Variants in SHLD2 observed in about 807,000 individuals in gnomAD.
The protein encoded by SHLD2 is RINN1-REV7-interacting novel NHEJ regulator 2.
SHLD2 carries 30 observed loss-of-function variants against 73.2 expected under a neutral mutation model. That is an observed-to-expected ratio of 0.41 (90% CI 0.31 to 0.56). The LOEUF (loss-of-function observed/expected upper bound fraction) is 0.56, where lower values mean the gene tolerates loss of function less well. SHLD2 is among the 20% of genes least tolerant of loss of function. The pLI, the probability that SHLD2 is intolerant of heterozygous loss-of-function variation, is 0.28. For synonymous variants in SHLD2, 285 were observed against 370.1 expected (o/e 0.77, Z 2.64); for missense variants, 745 against 1,055.9 (o/e 0.71, Z 4.08).
intron 2 of SHLD2, among the ~76,000 whole-genome samples, chr10:87,103,203 C>T (rs1006981708): frequency 4.0e-5 from 6 of 151,248 alleles, no homozygotes; most frequent in African/African-American, 1.2e-4. Flanking sequence ...AGTGAGATTC[C>T]GTCTCAAAAA....
chr10:87,168,864 A>G (rs1345264269), intron 4 of SHLD2, among the ~76,000 whole-genome samples: 1 of 151,686 alleles, frequency 6.6e-6, no homozygotes, highest in East Asian at 1.9e-4. Context: ...AAAGTTCAGT[A>G]TCACGCAGTA....
rs554195035 is a variant in SHLD2, at chr10:87,179,893, G to C, written c.2171-182G>C. Among the ~76,000 whole-genome samples the C allele has an allele frequency of 2.1e-3, 316 of 152,336 alleles. 1 individual carries two copies. Among genetic ancestry groups the C allele is most frequent in the African/African-American group, 7.3e-3 (302 of 41,586 alleles). On this transcript the variant is annotated intron_variant, in intron 7 of 9. Coordinates refer to ENST00000298786, the MANE Select transcript of SHLD2 (RefSeq NM_001330112.2). ...AATTAGCCAAGTAAACCTGCTCTCAGTTGCAGCCAGACATCCCTGCCCTTA... is the reference window on the plus strand; with the variant it reads ...AATTAGCCAAGTAAACCTGCTCTCACTTGCAGCCAGACATCCCTGCCCTTA...
At chr10:87,128,854 GTTGT>G (rs1341604556) in intron 2 of SHLD2, among the ~76,000 whole-genome samples, 4 of 152,088 alleles carry the variant, frequency 2.6e-5, no homozygotes, top group African/African-American at 7.2e-5. Context: ...TTTTTTTGTT[GTTGT>G]TTTTGTTTTT....
In SHLD2 at chr10:87,187,132, G is replaced by A. The variant is rs11816168; in HGVS notation, c.2447G>A (p.Arg816His). Residue 816 changes from arginine (R) to histidine (H), a missense_variant, in exon 9 of 10, where the codon CGT becomes CAT. By Grantham distance (29) the Arg-to-His change is conservative. Around this residue, in one of 5 missense-constraint regions of SHLD2, gnomAD observed 418 missense variants for 567.8 expected, o/e 0.74. Transcript: ENST00000298786. ...AIDGRHDVCI[R>H]VESKLIEKIL... ...GATGGAAGACATGATGTTTGTATCC[G>A]TGTAGAATCAAAGCTGATAGAGAAG... The A allele has an allele frequency of 0.014, 22,568 of 1,613,254 alleles. 190 individuals carry two copies. The highest frequency in any genetic ancestry group is 0.017 in the Non-Finnish European group (19,743 of 1,179,300).
chr10:87,176,198 T>A, intron 7 of SHLD2, 103 bp downstream of exon 7: 1 of 1,404,796 alleles, frequency 7.1e-7, no homozygotes, highest in Non-Finnish European at 9.8e-7. Context: ...CACAGCTCAC[T>A]GCAGTCTCCA....
chr10:87,122,074 A>AT (rs1360668605), intron 2 of SHLD2, among the ~76,000 whole-genome samples: 1 of 140,552 alleles, frequency 7.1e-6, no homozygotes, highest in Admixed American at 7.8e-5. Context: ...CAAAAGTGGT[A>AT]TTTTCTATTG....
At chr10:87,149,759 C>T (rs1222010245) in intron 2 of SHLD2, among the ~76,000 whole-genome samples, 1 of 151,308 alleles carries the variant, frequency 6.6e-6, no homozygotes, top group Non-Finnish European at 1.5e-5. Context: ...TAAAAGGTCT[C>T]ACTTTGTTAC....
chr10:87,158,366 A>C (rs1025773345), intron 4 of SHLD2, among the ~76,000 whole-genome samples: 1 of 152,172 alleles, frequency 6.6e-6, no homozygotes, highest in Non-Finnish European at 1.5e-5. Flanking sequence ...ATTGGGTCTC[A>C]TGTTTCGTTT....
rs551799235 is a variant in SHLD2, at chr10:87,164,537, G to A, written c.1634-5941G>A. Among the ~76,000 whole-genome samples the A allele has an allele frequency of 3.8e-4, 58 of 152,218 alleles. 1 individual carries two copies. Among genetic ancestry groups the A allele is most frequent in the Non-Finnish European group, 1.6e-4 (11 of 68,012 alleles). ...CAAAATGCTGGGATTACAGGTGTGA[G>A]CCATTGTGCCTGGCCAACATAGTTC... On this transcript the variant is annotated intron_variant, in intron 4 of 9. Transcript: ENST00000298786.
chr10:87,152,012 G>C lies in SHLD2; in HGVS notation c.658G>C (p.Asp220His). 1 of 1,611,920 alleles carries C rather than the reference G, an allele frequency of 6.2e-7. No homozygotes were observed. The highest frequency in any genetic ancestry group is 1.1e-5 in the South Asian group (1 of 90,980). ...CLGLFSSNAV[D>H]KSRSEAAVRK... is the part of the protein sequence containing the mutation. ...GGGATTATTTTCCTCGAACGCAGTA[G>C]ATAAGTCAAGGTCTGAAGCAGCAGT... Residue 220 changes from aspartate to histidine, a missense_variant, in exon 3 of 10, where the codon GAT (aspartate) becomes CAT (histidine). By Grantham distance (81) the Asp-to-His change is moderately conservative. Transcript: ENST00000298786.
intron 4 of SHLD2, among the ~76,000 whole-genome samples, chr10:87,165,145 C>T (rs1847108667): frequency 6.6e-6 from 1 of 151,656 alleles, no homozygotes; most frequent in African/African-American, 2.4e-5. Context: ...TGTGATCATG[C>T]CACTGCACTT....
In SHLD2 at chr10:87,175,413, C is replaced by T. The variant is rs1488635084; in HGVS notation, c.1964-476C>T. On this transcript the variant is annotated intron_variant, in intron 6 of 9. Transcript: ENST00000298786. ...TAAAATTATCTCTGGTGGCCCGGCA[C>T]GGAGGCTTATGCCTGTAATCCCAGC... Among the ~76,000 whole-genome samples, 11 of 150,962 alleles carry T rather than the reference C, an allele frequency of 7.3e-5. No homozygotes were observed. In the South Asian group the frequency reaches 1.3e-3, roughly 17 times the overall value.
intron 7 of SHLD2, among the ~76,000 whole-genome samples, chr10:87,179,271 G>A (rs566496388): frequency 2.6e-5 from 4 of 152,180 alleles, no homozygotes; most frequent in Non-Finnish European, 5.9e-5. Flanking sequence ...ATTAATAAAT[G>A]AGAACTTTTT....
intron 2 of SHLD2, among the ~76,000 whole-genome samples, chr10:87,127,540 C>CG (rs1491255724): frequency 0.013 from 833 of 66,460 alleles, 15 homozygotes; most frequent in Non-Finnish European, 0.016. Flanking sequence ...CCCCCCCCCA[C>CG]CCCGTCTGCC....
At chr10:87,141,859 C>T (rs546333413) in intron 2 of SHLD2, among the ~76,000 whole-genome samples, 69 of 152,058 alleles carry the variant, frequency 4.5e-4, no homozygotes, top group African/African-American at 1.3e-3. Context: ...GGCGAAACCC[C>T]GTCTCTACTA....
At chr10:87,153,678 C>T (rs1196795809) in intron 3 of SHLD2, among the ~76,000 whole-genome samples, 1 of 152,000 alleles carries the variant, frequency 6.6e-6, no homozygotes, top group Non-Finnish European at 1.5e-5. Context: ...GTTTGTGAGA[C>T]CCTGTTTTAG....
chr10:87,099,147 C>G (rs1273416783), intron 2 of SHLD2, among the ~76,000 whole-genome samples: 1 of 152,196 alleles, frequency 6.6e-6, no homozygotes, highest in Admixed American at 6.5e-5. Context: ...AGGGAACATT[C>G]AATAGCATTC....
intron 4 of SHLD2, among the ~76,000 whole-genome samples, chr10:87,162,601 G>A (rs1327809655): frequency 2.0e-5 from 3 of 152,156 alleles, no homozygotes; most frequent in Non-Finnish European, 4.4e-5. Flanking sequence ...GGCTGAGGCA[G>A]GAGGATTGTT....
chr10:87,120,333 C>T (rs1310079050), intron 2 of SHLD2, among the ~76,000 whole-genome samples: 5 of 151,764 alleles, frequency 3.3e-5, no homozygotes, highest in Non-Finnish European at 5.9e-5. Context: ...CTGCAAGCTC[C>T]GCCTCCCAGG....
Sources: gnomAD v4.1 joint callset for allele counts (sites outside exome capture counted in the v4.1 genomes callset) on GRCh38, gnomAD v4.1.1 for gene constraint, gnomAD v4.1.1 regional missense constraint, MANE v1.5 for transcripts, NCBI Gene and HGNC (gene_info 2026-07-23, HGNC 2026-07-21) for gene names.